MAGI1: variants seen among roughly 807,000 people sequenced by gnomAD.
MAGI1 encodes the protein membrane associated guanylate kinase, WW and PDZ domain containing 1.
A neutral mutation model predicts 139.9 loss-of-function variants in MAGI1; 58 were observed. That is an observed-to-expected ratio of 0.41 (90% CI 0.34 to 0.52). The LOEUF (loss-of-function observed/expected upper bound fraction) is 0.52, where lower values mean the gene tolerates loss of function less well. MAGI1 is among the 20% of genes least tolerant of loss of function. The pLI is 0.12. For synonymous variants in MAGI1, 812 were observed against 737.9 expected (o/e 1.10, Z -1.63); for missense variants, 1,874 against 1,901.6 (o/e 0.99, Z 0.27).
intron 18 of MAGI1, among the ~76,000 whole-genome samples, chr3:65,370,398 G>A (rs2106797926): frequency 6.6e-6 from 1 of 152,272 alleles, no homozygotes; most frequent in South Asian, 2.1e-4. Flanking sequence ...GAAACATCTT[G>A]GATGAAATCA....
At chr3:65,359,245 A>G (rs1184096263) in intron 22 of MAGI1, 1 of 1,557,320 alleles carries the variant, frequency 6.4e-7, no homozygotes. Flanking sequence ...CCTATAACAC[A>G]GAGGAAAGAA....
chr3:65,921,296 G>T (rs1576055911), intron 1 of MAGI1, among the ~76,000 whole-genome samples: 2 of 150,608 alleles, frequency 1.3e-5, no homozygotes, highest in East Asian at 3.9e-4. Flanking sequence ...CTGTATTTTA[G>T]CAATGACGTA....
chr3:65,388,804 A>T (rs1295557471), intron 14 of MAGI1, among the ~76,000 whole-genome samples: 1 of 150,268 alleles, frequency 6.7e-6, no homozygotes, highest in Non-Finnish European at 1.5e-5. Flanking sequence ...TGTTAAAGAA[A>T]GTGAAGGAAC....
intron 1 of MAGI1, among the ~76,000 whole-genome samples, chr3:65,817,085 T>C (rs563666426): frequency 6.6e-6 from 1 of 152,302 alleles, no homozygotes; most frequent in East Asian, 1.9e-4. Context: ...TTTATTTCAA[T>C]AAAAATTTGT....
At chr3:65,452,405 T>C (rs1949084591) in intron 6 of MAGI1, among the ~76,000 whole-genome samples, 1 of 152,190 alleles carries the variant, frequency 6.6e-6, no homozygotes, top group African/African-American at 2.4e-5. Flanking sequence ...TATCTTACAG[T>C]AAAATACATA....
intron 5 of MAGI1, among the ~76,000 whole-genome samples, chr3:65,463,755 C>T (rs866217477): frequency 3.9e-5 from 6 of 152,040 alleles, no homozygotes; most frequent in Admixed American, 2.0e-4. Context: ...CCATCTGGTT[C>T]TGGGCTTTTT....
chr3:65,606,097 T>C (rs2082725042), intron 2 of MAGI1, among the ~76,000 whole-genome samples: 1 of 152,204 alleles, frequency 6.6e-6, no homozygotes, highest in South Asian at 2.1e-4. Context: ...GTGCTTTTCA[T>C]GTATTATGTT....
In MAGI1 at chr3:65,430,063, T is replaced by C. The variant is rs2107339896; in HGVS notation, c.1624A>G (p.Ile542Val). The C allele has an allele frequency of 1.2e-6, 2 of 1,613,844 alleles. No homozygotes were observed. Among genetic ancestry groups the C allele is most frequent in the East Asian group, 4.5e-5 (2 of 44,838 alleles). The change falls in exon 12 of 23, where the codon ATC becomes GTC. Residue 542 changes from isoleucine to valine, a missense_variant. Ile to Val is a conservative substitution (Grantham distance 29, BLOSUM62 3). Around this residue, in one of 5 missense-constraint regions of MAGI1, gnomAD observed 86 missense variants for 130.0 expected, o/e 0.66. Coordinates refer to ENST00000402939, the MANE Select transcript of MAGI1 (RefSeq NM_001033057.2). ...AGGTCCACGCTGGCACCAATGGGGA[T>C]GGACTGGAAGATCTTCACAACTTGA... ...HAQVVKIFQS[I>V]PIGASVDLEL...
chr3:65,515,884 T>C (rs1025202168), intron 2 of MAGI1, among the ~76,000 whole-genome samples: 6 of 152,198 alleles, frequency 3.9e-5, no homozygotes, highest in Non-Finnish European at 5.9e-5. Context: ...GTTACACAAA[T>C]GCTGAAAATG....
chr3:65,614,963 AC>A (rs1233963411), intron 2 of MAGI1, among the ~76,000 whole-genome samples: 1 of 151,672 alleles, frequency 6.6e-6, no homozygotes, highest in Non-Finnish European at 1.5e-5. Flanking sequence ...TGGATGCTGC[AC>A]TGAGCTATGA....
intron 4 of MAGI1, among the ~76,000 whole-genome samples, chr3:65,473,446 A>C (rs920366321): frequency 6.6e-6 from 1 of 152,122 alleles, no homozygotes; most frequent in Non-Finnish European, 1.5e-5. Flanking sequence ...TGCAACTACA[A>C]CTGTCCAAAC....
intron 1 of MAGI1, among the ~76,000 whole-genome samples, chr3:65,851,303 C>T (rs2059193608): frequency 1.3e-5 from 2 of 152,166 alleles, no homozygotes; most frequent in African/African-American, 2.4e-5. Flanking sequence ...TGCATATTAA[C>T]AAGAACTGTA....
intron 1 of MAGI1, among the ~76,000 whole-genome samples, chr3:65,728,105 G>C (rs914682207): frequency 2.0e-5 from 3 of 152,126 alleles, no homozygotes; most frequent in African/African-American, 7.2e-5. Flanking sequence ...TCCACACTCA[G>C]GAAGGGTCTG....
chr3:65,918,572 G>T (rs2062019845), intron 1 of MAGI1, among the ~76,000 whole-genome samples: 1 of 151,824 alleles, frequency 6.6e-6, no homozygotes, highest in Non-Finnish European at 1.5e-5. Flanking sequence ...GTAGCGATGG[G>T]GTTTCACCAT....
intron 2 of MAGI1, among the ~76,000 whole-genome samples, chr3:65,499,181 CT>C (rs2076990880): frequency 6.6e-6 from 1 of 150,844 alleles, no homozygotes. Flanking sequence ...AAAAAATGTT[CT>C]TAGATATTTG....
intron 1 of MAGI1, among the ~76,000 whole-genome samples, chr3:65,737,778 T>C (rs2034901265): frequency 6.6e-6 from 1 of 152,152 alleles, no homozygotes; most frequent in African/African-American, 2.4e-5. Flanking sequence ...TTCTACTTTA[T>C]CAACATTACT....
chr3:65,637,378 C>T (rs943580985), intron 1 of MAGI1, among the ~76,000 whole-genome samples: 3 of 151,874 alleles, frequency 2.0e-5, no homozygotes, highest in Admixed American at 6.6e-5. Flanking sequence ...CATGGCACAA[C>T]CCTGTCTCTA....
At chr3:65,533,683 T>A (rs963289636) in intron 2 of MAGI1, among the ~76,000 whole-genome samples, 1 of 152,198 alleles carries the variant, frequency 6.6e-6, no homozygotes, top group Non-Finnish European at 1.5e-5. Flanking sequence ...GAAAGCTATA[T>A]ACAGAGTTCT....
chr3:65,890,053 T>C (rs1027897618), intron 1 of MAGI1, among the ~76,000 whole-genome samples: 3 of 152,046 alleles, frequency 2.0e-5, no homozygotes, highest in Admixed American at 2.0e-4. Context: ...AGTTTTTAGC[T>C]CCAGATGACA....
Sources: gnomAD v4.1 joint callset for allele counts (sites outside exome capture counted in the v4.1 genomes callset) on GRCh38, gnomAD v4.1.1 for gene constraint, gnomAD v4.1.1 regional missense constraint, MANE v1.5 for transcripts, NCBI Gene and HGNC (gene_info 2026-07-23, HGNC 2026-07-21) for gene names.